The following PADI2 variants were observed in gnomAD, a reference collection of about 807,000 sequenced individuals.
The protein encoded by PADI2 is protein-arginine deiminase type-2.
Under a neutral mutation model 81.1 loss-of-function variants are expected in PADI2, and 70 were observed. The observed-to-expected ratio is 0.86, with a 90% CI of 0.71 to 1.05. The LOEUF (loss-of-function observed/expected upper bound fraction) is 1.05. PADI2 is among the 50% of genes least tolerant of loss of function. PADI2 has a pLI of 0.00. For synonymous variants in PADI2, 338 were observed against 358.0 expected (o/e 0.94, Z 0.63); for missense variants, 853 against 889.9 (o/e 0.96, Z 0.53).
intron 3 of PADI2, among the ~76,000 whole-genome samples, chr1:17,096,756 G>A (rs1930946936): frequency 6.6e-6 from 1 of 152,230 alleles, no homozygotes; most frequent in Non-Finnish European, 1.5e-5. Context: ...CTGCTTATAA[G>A]CTGTGTGACT....
intron 6 of PADI2, among the ~76,000 whole-genome samples, chr1:17,089,834 C>T (rs867076352): frequency 3.9e-5 from 6 of 152,310 alleles, no homozygotes; most frequent in East Asian, 1.9e-4. Context: ...CACTGACCAC[C>T]GTGACCTCTC....
intron 1 of PADI2, among the ~76,000 whole-genome samples, chr1:17,106,042 G>A (rs145358396): frequency 2.1e-4 from 32 of 152,204 alleles, no homozygotes; most frequent in Non-Finnish European, 3.8e-4. Flanking sequence ...GCCCAGGGTC[G>A]CTGAGTAAAG....
At chr1:17,100,193 C>A (rs920867180) in intron 3 of PADI2, among the ~76,000 whole-genome samples, 7 of 152,242 alleles carry the variant, frequency 4.6e-5, no homozygotes, top group African/African-American at 1.4e-4. Flanking sequence ...ACCAGATTTT[C>A]ACCAGGGTCT....
intron 2 of PADI2, 55 bp downstream of exon 2, chr1:17,104,823 C>T (rs1209266809): frequency 1.0e-5 from 15 of 1,449,518 alleles, no homozygotes; most frequent in Non-Finnish European, 1.3e-5. Flanking sequence ...GTCCACCCTG[C>T]CTCTATCCTG....
intron 1 of PADI2, among the ~76,000 whole-genome samples, chr1:17,111,150 T>C (rs1354853284): frequency 6.9e-6 from 1 of 144,404 alleles, no homozygotes; most frequent in Non-Finnish European, 1.5e-5. Context: ...TGCAGTGGCA[T>C]GATCTTGGCT....
intron 7 of PADI2, among the ~76,000 whole-genome samples, chr1:17,084,926 C>T (rs563055600): frequency 6.6e-6 from 1 of 152,332 alleles, no homozygotes; most frequent in South Asian, 2.1e-4. Context: ...GATGGGGAAA[C>T]CGAGTCACAG....
chr1:17,106,908 C>T (rs536327696), intron 1 of PADI2, among the ~76,000 whole-genome samples: 1 of 151,222 alleles, frequency 6.6e-6, no homozygotes, highest in South Asian at 2.2e-4. Flanking sequence ...GGAAGAAAGC[C>T]GTCACCAGAA....
chr1:17,117,162 A>T (rs1166189053), intron 1 of PADI2, among the ~76,000 whole-genome samples: 2 of 152,230 alleles, frequency 1.3e-5, no homozygotes. Flanking sequence ...TCCCGGTGTC[A>T]CTGGCTCACG....
At chr1:17,091,731 C>A (rs1475008163) in intron 6 of PADI2, among the ~76,000 whole-genome samples, 3 of 152,274 alleles carry the variant, frequency 2.0e-5, no homozygotes, top group East Asian at 1.9e-4. Context: ...TCTGCCCTGC[C>A]ATTCTCCTCA....
chr1:17,119,408 G>A lies in PADI2; in HGVS notation c.-37C>T. 2 of 1,467,208 alleles carry A rather than the reference G, an allele frequency of 1.4e-6. No individual in the cohort carries two copies. The highest frequency in any genetic ancestry group is 1.5e-5 in the African/African-American group (1 of 68,340). The allele number at this position is 1,467,208 out of a possible 1,614,324, so 90.9% of individuals were successfully genotyped here. On this transcript the variant is annotated 5_prime_UTR_variant, in exon 1 of 16. Coordinates refer to ENST00000375486, the MANE Select transcript of PADI2 (RefSeq NM_007365.3). The surrounding 1 kb of genome is among the most constrained non-coding windows in gnomAD (Gnocchi z 4.8). Reference sequence around the variant, plus strand: ...CAGTGCCCGCGCTCGCTGGTCCGGGGCGGCCGGGAGCACCTGCAGCAGGTG... The same window carrying A: ...CAGTGCCCGCGCTCGCTGGTCCGGGACGGCCGGGAGCACCTGCAGCAGGTG...
At chr1:17,101,503 C>T (rs886305522) in intron 3 of PADI2, among the ~76,000 whole-genome samples, 2 of 152,166 alleles carry the variant, frequency 1.3e-5, no homozygotes, top group Non-Finnish European at 2.9e-5. Context: ...GGGCTCAGTA[C>T]AACCCAGGAG....
intron 3 of PADI2, among the ~76,000 whole-genome samples, chr1:17,098,572 TG>T (rs1557768711): frequency 6.6e-6 from 1 of 152,232 alleles, no homozygotes; most frequent in East Asian, 1.9e-4. Flanking sequence ...ACCTCTCTCA[TG>T]CTTATTGCGA....
At chr1:17,097,350 T>C (rs1930972380) in intron 3 of PADI2, among the ~76,000 whole-genome samples, 1 of 152,188 alleles carries the variant, frequency 6.6e-6, no homozygotes. Flanking sequence ...TCCCTTTGCC[T>C]ATAGCCTGCA....
At chr1:17,080,011 G>A (rs538129118) in intron 10 of PADI2, among the ~76,000 whole-genome samples, 100 of 152,100 alleles carry the variant, frequency 6.6e-4, no homozygotes, top group African/African-American at 2.3e-3. Flanking sequence ...GGCTGGTCTC[G>A]AACTCCTGAC....
At chr1:17,085,870 CA>C (rs1288589055) in intron 7 of PADI2, among the ~76,000 whole-genome samples, 7 of 152,120 alleles carry the variant, frequency 4.6e-5, no homozygotes, top group Admixed American at 4.6e-4. Context: ...CTGAGCGAAA[CA>C]GGGTGGGCCT....
At chr1:17,113,938 T>C (rs1198848208) in intron 1 of PADI2, among the ~76,000 whole-genome samples, 2 of 152,098 alleles carry the variant, frequency 1.3e-5, no homozygotes, top group Non-Finnish European at 2.9e-5. Flanking sequence ...TGAGGGAAGG[T>C]CTCAGGGACC....
chr1:17,096,271 A>G (rs1340396615), intron 3 of PADI2, among the ~76,000 whole-genome samples: 1 of 152,176 alleles, frequency 6.6e-6, no homozygotes, highest in Non-Finnish European at 1.5e-5. Flanking sequence ...TCCTCGCTGC[A>G]CAGATCTGGA....
intron 6 of PADI2, among the ~76,000 whole-genome samples, chr1:17,090,555 C>T (rs1408476004): frequency 2.0e-5 from 3 of 149,822 alleles, no homozygotes; most frequent in Non-Finnish European, 4.4e-5. Flanking sequence ...GACTGTGCTC[C>T]TGGTCAATTA....
chr1:17,075,799 C>T lies in PADI2; in HGVS notation c.1335G>A (p.Lys445=). Residue 445 remains lysine (K), a synonymous_variant, in exon 12 of 16, where the codon AAG becomes AAA. Transcript: ENST00000375486. ...GGGCCTTCAGGAAGTCACGCACCAC[C>T]TTGGTCATCCTCCGACCACCAGACC... The part of the protein sequence containing the change: ...FPLSGGRRMT[K]VVRDFLKAQQ... 3 of 1,613,938 alleles carry T rather than the reference C, an allele frequency of 1.9e-6. No individual in the cohort carries two copies. Among genetic ancestry groups the T allele is most frequent in the Middle Eastern group, 1.7e-4 (1 of 6,060 alleles).
Sources: allele counts gnomAD v4.1 joint callset (sites outside exome capture counted in the v4.1 genomes callset), GRCh38; gene constraint gnomAD v4.1.1; non-coding constraint Gnocchi (gnomAD v3.1); transcripts MANE v1.5; gene names NCBI Gene and HGNC (gene_info 2026-07-23, HGNC 2026-07-21).